Variants in STPG2 observed in about 807,000 individuals in gnomAD.
The protein encoded by STPG2 is sperm-tail PG-rich repeat-containing protein 2.
In STPG2, 56 loss-of-function variants were observed where a neutral mutation model predicts 54.2. The observed-to-expected ratio is 1.03, with a 90% confidence interval of 0.83 to 1.29. The LOEUF (loss-of-function observed/expected upper bound fraction) is 1.29, where lower values mean the gene tolerates loss of function less well. Ranked by LOEUF, STPG2 falls within the 50% of genes most tolerant of loss-of-function variation. The pLI is 0.00. For missense variants in STPG2, 596 were observed against 544.9 expected, an observed-to-expected ratio of 1.09 and a Z score of -0.93; for synonymous variants, 200 against 181.8, an observed-to-expected ratio of 1.10 and a Z score of -0.81.
intron 9 of STPG2, among the ~76,000 whole-genome samples, chr4:97,754,871 A>T (rs1725683330): frequency 6.6e-6 from 1 of 152,080 alleles, no homozygotes; most frequent in Non-Finnish European, 1.5e-5. Flanking sequence ...CAAGGCCTTA[A>T]ATATCAGGAG....
At chr4:97,712,472 C>A (rs1335564358) in intron 10 of STPG2, among the ~76,000 whole-genome samples, 1 of 151,916 alleles carries the variant, frequency 6.6e-6, no homozygotes, top group South Asian at 2.1e-4. Context: ...ATGAATACTG[C>A]AAAGCATATT....
At chr4:97,616,353 CCTGT>C (rs1283194374) in intron 10 of STPG2, among the ~76,000 whole-genome samples, 1 of 151,644 alleles carries the variant, frequency 6.6e-6, no homozygotes, top group African/African-American at 2.4e-5. Context: ...ATCAATACTT[CCTGT>C]CTAACTTTTC....
intron 8 of STPG2, among the ~76,000 whole-genome samples, chr4:97,873,650 A>T (rs1249590761): frequency 6.6e-6 from 1 of 151,532 alleles, no homozygotes; most frequent in African/African-American, 2.4e-5. Flanking sequence ...AAACTACTCA[A>T]AAGTATCCTA....
chr4:97,948,670 C>G (rs934999091), intron 7 of STPG2, among the ~76,000 whole-genome samples: 1 of 152,044 alleles, frequency 6.6e-6, no homozygotes, highest in African/African-American at 2.4e-5. Context: ...ATTTTTAACA[C>G]AAAAATCATT....
intron 8 of STPG2, among the ~76,000 whole-genome samples, chr4:97,874,972 A>G (rs1730121188): frequency 6.6e-6 from 1 of 151,938 alleles, no homozygotes. Flanking sequence ...AAGCCACCCA[A>G]TTGAAGGTAA....
intron 9 of STPG2, among the ~76,000 whole-genome samples, chr4:97,802,463 T>C (rs1727429784): frequency 6.6e-6 from 1 of 152,080 alleles, no homozygotes; most frequent in African/African-American, 2.4e-5. Context: ...TATACATATA[T>C]ATATGAAGTT....
chr4:97,678,140 A>C (rs1313791668), intron 10 of STPG2, among the ~76,000 whole-genome samples: 1 of 152,146 alleles, frequency 6.6e-6, no homozygotes, highest in Non-Finnish European at 1.5e-5. Flanking sequence ...CTTCAACAAA[A>C]ATATCCAAGT....
At chr4:97,660,732 A>G (rs1722353333) in intron 10 of STPG2, among the ~76,000 whole-genome samples, 1 of 152,174 alleles carries the variant, frequency 6.6e-6, no homozygotes, top group Non-Finnish European at 1.5e-5. Context: ...GTGATCCCCA[A>G]AAAACTTTAG....
In STPG2 at chr4:97,452,075, G is replaced by C. The variant is rs552954564; in HGVS notation, c.462+260624C>G. ...TGCAGCTACCCAAACTGCAGCTGCA[G>C]AGCCAGTCCTCCTGCTCCATAGAGC... On this transcript the variant is annotated intron_variant, in intron 4 of 4. Transcript: ENST00000522676. 4.1e-3 allele frequency among the ~76,000 whole-genome samples: 582 copies of C among 141,088 alleles called. 6 individuals are homozygous for C. The highest frequency in any genetic ancestry group is 0.02 in the South Asian group (88 of 4,378). The allele number at this position is 141,088 out of a possible 152,430, so 92.6% of individuals were successfully genotyped here.
intron 7 of STPG2, among the ~76,000 whole-genome samples, chr4:97,944,740 G>C (rs1733135975): frequency 6.6e-6 from 1 of 152,036 alleles, no homozygotes; most frequent in African/African-American, 2.4e-5. Flanking sequence ...GTAGCTAATA[G>C]ACATATTTCT....
chr4:98,076,686 G>T (rs938351153), intron 5 of STPG2, among the ~76,000 whole-genome samples: 2 of 152,144 alleles, frequency 1.3e-5, no homozygotes, highest in African/African-American at 4.8e-5. Context: ...GACATTTGAT[G>T]TAAGAGTCGC....
chr4:97,968,321 A>T (rs1236164149), intron 7 of STPG2, among the ~76,000 whole-genome samples: 2 of 152,202 alleles, frequency 1.3e-5, no homozygotes, highest in Non-Finnish European at 1.5e-5. Context: ...AAAAATTTCC[A>T]GGACAAGATG....
At chr4:98,021,086 T>C (rs1381812764) in intron 5 of STPG2, among the ~76,000 whole-genome samples, 13 of 152,000 alleles carry the variant, frequency 8.6e-5, no homozygotes, top group Non-Finnish European at 1.8e-4. Flanking sequence ...GCTCTTGCTT[T>C]TCTAGTTCTT....
rs796302828 is a variant in STPG2, at chr4:98,015,875, C to T, written c.613-34557G>A. 9.2e-5 allele frequency among the ~76,000 whole-genome samples: 14 copies of T among 152,136 alleles called. 1 individual carries two copies. Among genetic ancestry groups the T allele is most frequent in the African/African-American group, 3.4e-4 (14 of 41,462 alleles). ...ATATACACCATGGAATACTATGCAG[C>T]CATAAAGAAGGATGAGTTCATGTCC... On this transcript the variant is annotated intron_variant, in intron 5 of 10. Transcript: ENST00000295268.
intron 10 of STPG2, among the ~76,000 whole-genome samples, chr4:97,593,119 G>C (rs1411234722): frequency 6.6e-6 from 1 of 152,120 alleles, no homozygotes; most frequent in Non-Finnish European, 1.5e-5. Flanking sequence ...TTGCAGTGCA[G>C]CCTCAGATGC....
rs780587168 is a variant in STPG2 at position 98,104,576 on chromosome 4, A to G, written c.612+1377T>C. On this transcript the variant is annotated intron_variant, in intron 5 of 10. Coordinates refer to ENST00000295268, the MANE Select transcript of STPG2 (RefSeq NM_174952.3). Reference sequence around the variant, plus strand: ...ATATTATACTAAATATGCAAAAATAACAATACTTTCACATTTCTGCTTTAA... The same window carrying G: ...ATATTATACTAAATATGCAAAAATAGCAATACTTTCACATTTCTGCTTTAA... Among the ~76,000 whole-genome samples, 12 of 148,552 alleles carry G rather than the reference A, an allele frequency of 8.1e-5. No individual in the cohort carries two copies. In the South Asian group the frequency reaches 2.6e-3, roughly 32 times the overall value.
At chr4:97,886,656 A>G (rs1266934199) in intron 8 of STPG2, among the ~76,000 whole-genome samples, 1 of 152,216 alleles carries the variant, frequency 6.6e-6, no homozygotes, top group Non-Finnish European at 1.5e-5. Context: ...ACGTCAAACT[A>G]TTAAACAAGT....
intron 8 of STPG2, among the ~76,000 whole-genome samples, chr4:97,854,222 G>A (rs1366151435): frequency 6.6e-6 from 1 of 152,014 alleles, no homozygotes. Flanking sequence ...TAAAGGTTAT[G>A]GCCTCTGAAG....
chr4:97,902,263 G>C (rs185020815), intron 8 of STPG2, among the ~76,000 whole-genome samples: 1 of 152,146 alleles, frequency 6.6e-6, no homozygotes, highest in Admixed American at 6.5e-5. Flanking sequence ...ATGGATCTGA[G>C]ATCATAAGCA....
Sources: gnomAD v4.1 joint callset for allele counts (sites outside exome capture counted in the v4.1 genomes callset) on GRCh38, gnomAD v4.1.1 for gene constraint, MANE v1.5 for transcripts, NCBI Gene and HGNC (gene_info 2026-07-23, HGNC 2026-07-21) for gene names.